The following PRDM16 variants were observed in gnomAD, a reference collection of about 807,000 sequenced individuals.
PRDM16 encodes PR/SET domain 16.
A neutral mutation model predicts 110.6 loss-of-function variants in PRDM16; 23 were observed. That is an observed-to-expected ratio of 0.21 (90% confidence interval 0.15 to 0.29). The LOEUF (loss-of-function observed/expected upper bound fraction) is 0.29. PRDM16 is among the 10% of genes least tolerant of loss of function. PRDM16 has a pLI of 1.00. For synonymous variants in PRDM16, 799 were observed against 781.8 expected, an observed-to-expected ratio of 1.02 and a Z score of -0.37; for missense variants, 1,615 against 1,794.3, an observed-to-expected ratio of 0.90 and a Z score of 1.81.
chr1:3,204,721 G>C (rs896434436), intron 2 of PRDM16, among the ~76,000 whole-genome samples: 3 of 152,250 alleles, frequency 2.0e-5, no homozygotes, highest in Non-Finnish European at 4.4e-5. Flanking sequence ...CGTGTGTTCT[G>C]TCTTTGGCCC....
At chr1:3,119,513 C>T (rs72846097) in intron 1 of PRDM16, among the ~76,000 whole-genome samples, 19,830 of 152,184 alleles carry the variant, frequency 0.13, 2,823 homozygotes, top group African/African-American at 0.36. Context: ...AAGCCTCACC[C>T]CCAGGGATGG....
chr1:3,177,574 C>T (rs376616671), intron 1 of PRDM16, among the ~76,000 whole-genome samples: 40 of 152,344 alleles, frequency 2.6e-4, no homozygotes, highest in African/African-American at 9.6e-4. Flanking sequence ...ACAGTGCCGG[C>T]TGCATGCTCC....
chr1:3,072,389 T>G (rs1207402619), intron 1 of PRDM16, among the ~76,000 whole-genome samples: 1 of 152,096 alleles, frequency 6.6e-6, no homozygotes, highest in Admixed American at 6.5e-5. Flanking sequence ...GATCCCCACC[T>G]AGGTGGCAGA....
chr1:3,239,339 G>A (rs1040642830), intron 2 of PRDM16, among the ~76,000 whole-genome samples: 4 of 152,050 alleles, frequency 2.6e-5, no homozygotes, highest in African/African-American at 9.7e-5. Flanking sequence ...CCGCATGGAA[G>A]CTGAAGCTGC....
At chr1:3,422,322 G>A (rs1480335410) in intron 12 of PRDM16, among the ~76,000 whole-genome samples, 1 of 151,586 alleles carries the variant, frequency 6.6e-6, no homozygotes, top group Non-Finnish European at 1.5e-5. Context: ...CAGACAAGCA[G>A]ATGGACAGGC....
chr1:3,314,616 A>G (rs951084915), intron 3 of PRDM16, among the ~76,000 whole-genome samples: 9 of 151,502 alleles, frequency 5.9e-5, no homozygotes, highest in Middle Eastern at 3.2e-3. Context: ...CTCTGTGTCA[A>G]TGAAGGAAGG....
In PRDM16 at chr1:3,171,317, G is replaced by A. The variant is rs368378347; in HGVS notation, c.38-14808G>A. On this transcript the variant is annotated intron_variant, in intron 1 of 16. Transcript: ENST00000270722. ...CCCTTGTTCCTCCTCCTCGCTGTCC[G>A]GGCAGAGCCAGGGAAAGGGAAGCAG... Among the ~76,000 whole-genome samples, 36 of 152,304 alleles carry A rather than the reference G, an allele frequency of 2.4e-4. 1 individual carries two copies. The South Asian group carries it at 3.9e-3, about 17-fold the overall frequency.
intron 3 of PRDM16, among the ~76,000 whole-genome samples, chr1:3,317,831 TGA>T (rs1206424171): frequency 6.6e-6 from 1 of 152,222 alleles, no homozygotes; most frequent in East Asian, 1.9e-4. Flanking sequence ...AAAGGCAAAA[TGA>T]CAGGCTGGTT....
intron 3 of PRDM16, among the ~76,000 whole-genome samples, chr1:3,368,920 A>G (rs558789204): frequency 6.6e-6 from 1 of 152,256 alleles, no homozygotes; most frequent in Admixed American, 6.5e-5. Context: ...ATTCCGGGTA[A>G]TCGGCCGCAT....
chr1:3,337,703 T>G (rs1027316862), intron 3 of PRDM16, among the ~76,000 whole-genome samples: 7 of 152,206 alleles, frequency 4.6e-5, no homozygotes, highest in Admixed American at 1.3e-4. Context: ...CTTGGTGTGA[T>G]GCTGTGCGGT....
chr1:3,424,363 C>T (rs1638531453), intron 12 of PRDM16, among the ~76,000 whole-genome samples: 1 of 152,258 alleles, frequency 6.6e-6, no homozygotes, highest in Non-Finnish European at 1.5e-5. Context: ...ACTCCCAGCC[C>T]AAGGGCCCCA....
chr1:3,204,591 G>A (rs1302141129), intron 2 of PRDM16, among the ~76,000 whole-genome samples: 2 of 152,248 alleles, frequency 1.3e-5, no homozygotes, highest in Non-Finnish European at 2.9e-5. Flanking sequence ...TTTTGGGAAT[G>A]CCAATAGCTC....
At chr1:3,287,083 G>C (rs1040323557) in intron 3 of PRDM16, among the ~76,000 whole-genome samples, 1 of 152,216 alleles carries the variant, frequency 6.6e-6, no homozygotes, top group African/African-American at 2.4e-5. Context: ...GGTCCTGGGG[G>C]CCTGGAGTCT....
At chr1:3,231,699 C>A (rs148758226) in intron 2 of PRDM16, among the ~76,000 whole-genome samples, 1,983 of 152,372 alleles carry the variant, frequency 0.013, 33 homozygotes, top group Non-Finnish European at 0.018. Flanking sequence ...CTTGGCCGTA[C>A]GTCTGCCCAC....
chr1:3,140,932 C>A (rs1009629870), intron 1 of PRDM16, among the ~76,000 whole-genome samples: 1 of 152,116 alleles, frequency 6.6e-6, no homozygotes, highest in Non-Finnish European at 1.5e-5. Context: ...AGAAGGGGCA[C>A]GACATGGCTT....
At chr1:3,228,576 T>G (rs1450144762) in intron 2 of PRDM16, among the ~76,000 whole-genome samples, 1 of 152,214 alleles carries the variant, frequency 6.6e-6, no homozygotes, top group Admixed American at 6.5e-5. Context: ...GAATGAGGGC[T>G]GTATAGTCTC....
chr1:3,183,907 C>T (rs915781597), intron 1 of PRDM16, among the ~76,000 whole-genome samples: 5 of 152,198 alleles, frequency 3.3e-5, no homozygotes, highest in South Asian at 2.1e-4. Context: ...TTAAGGAGCG[C>T]GTCGAGGGGG....
intron 14 of PRDM16, among the ~76,000 whole-genome samples, chr1:3,427,780 C>A (rs1222392601): frequency 6.6e-6 from 1 of 152,104 alleles, no homozygotes; most frequent in Non-Finnish European, 1.5e-5. Flanking sequence ...GGCCGTGGTC[C>A]CAAAAGCCTC....
chr1:3,156,819 G>T (rs1433147134), intron 1 of PRDM16, among the ~76,000 whole-genome samples: 1 of 152,198 alleles, frequency 6.6e-6, no homozygotes, highest in Non-Finnish European at 1.5e-5. Flanking sequence ...CTCTTCGAGG[G>T]GGGAAGCAGA....
Sources: allele counts gnomAD v4.1 joint callset (sites outside exome capture counted in the v4.1 genomes callset), GRCh38; gene constraint gnomAD v4.1.1; transcripts MANE v1.5; gene names NCBI Gene and HGNC (gene_info 2026-07-23, HGNC 2026-07-21).